The following RBFOX2 variants were observed in gnomAD, a reference collection of about 807,000 sequenced individuals.
RBFOX2 encodes the protein RNA binding protein fox-1 homolog 2.
In RBFOX2, 10 loss-of-function variants were observed where a neutral mutation model predicts 49.1. The ratio of observed to expected loss-of-function variants is 0.20; its 90% CI spans 0.13 to 0.35. RBFOX2 has a LOEUF of 0.35. Among genes scored for constraint, RBFOX2 ranks in the 10% least tolerant of loss-of-function variants. RBFOX2 has a pLI of 1.00. For missense variants in RBFOX2, 323 were observed against 486.9 expected (o/e 0.66, Z 3.17); for synonymous variants, 183 against 187.4 (o/e 0.98, Z 0.19).
chr22:36,021,302 G>A (rs896989064), intron 1 of RBFOX2, among the ~76,000 whole-genome samples: 2 of 151,400 alleles, frequency 1.3e-5, no homozygotes, highest in African/African-American at 4.9e-5. Flanking sequence ...TGTAAATGAC[G>A]AGTTAATGGG....
At chr22:35,864,467 T>C (rs116672809) in intron 1 of RBFOX2, among the ~76,000 whole-genome samples, 3,552 of 152,280 alleles carry the variant, frequency 0.023, 153 homozygotes, top group African/African-American at 0.08. Flanking sequence ...AACATAATCA[T>C]GTGAGGCCCC....
At chr22:35,973,712 G>A (rs921415501) in intron 1 of RBFOX2, among the ~76,000 whole-genome samples, 2 of 152,116 alleles carry the variant, frequency 1.3e-5, no homozygotes, top group Admixed American at 6.6e-5. Flanking sequence ...AACTAAAAAT[G>A]GTCTAGTTCT....
intron 1 of RBFOX2, among the ~76,000 whole-genome samples, chr22:36,016,905 C>G (rs886280513): frequency 1.3e-5 from 2 of 152,184 alleles, no homozygotes; most frequent in Admixed American, 6.5e-5. Flanking sequence ...CTCTCATTCC[C>G]TTCTCAGAAT....
At chr22:35,811,384 G>A (rs1951835491) in intron 1 of RBFOX2, among the ~76,000 whole-genome samples, 3 of 152,096 alleles carry the variant, frequency 2.0e-5, no homozygotes, top group African/African-American at 4.8e-5. Context: ...TTGGAGTGGT[G>A]TCCTTATAAG....
intron 9 of RBFOX2, 88 bp from the exon 12 acceptor site, chr22:35,746,649 C>T (rs559204745): frequency 7.1e-5 from 46 of 648,652 alleles, no homozygotes; most frequent in Admixed American, 6.1e-4. Flanking sequence ...CAGACGTACA[C>T]ACATGTAGAC....
intron 1 of RBFOX2, among the ~76,000 whole-genome samples, chr22:35,868,593 A>G (rs2033721011): frequency 6.6e-6 from 1 of 152,192 alleles, no homozygotes; most frequent in Non-Finnish European, 1.5e-5. Context: ...CTATTTTAAA[A>G]AAAAAAAAAT....
chr22:35,792,746 C>A (rs1043822402), intron 2 of RBFOX2, among the ~76,000 whole-genome samples: 1 of 152,182 alleles, frequency 6.6e-6, no homozygotes, highest in Admixed American at 6.5e-5. Flanking sequence ...CAGGCTCACA[C>A]TCCCTAAACA....
At chr22:35,903,357 A>AT (rs200828920) in intron 1 of RBFOX2, among the ~76,000 whole-genome samples, 90 of 151,924 alleles carry the variant, frequency 5.9e-4, no homozygotes, top group East Asian at 3.1e-3. Context: ...CTACAATGCC[A>AT]TTTTTTTTGT....
At chr22:35,878,040 ACAC>A (rs1315532850) in intron 1 of RBFOX2, among the ~76,000 whole-genome samples, 1 of 15,680 alleles carries the variant, frequency 6.4e-5, no homozygotes, top group African/African-American at 5.1e-4. Context: ...TACTACTACT[ACAC>A]ACACACACAC....
intron 1 of RBFOX2, among the ~76,000 whole-genome samples, chr22:35,970,379 T>G (rs573680589): frequency 6.6e-6 from 1 of 151,926 alleles, no homozygotes; most frequent in Non-Finnish European, 1.5e-5. Flanking sequence ...CTGGGCATAG[T>G]GACTTATGCC....
intron 1 of RBFOX2, among the ~76,000 whole-genome samples, chr22:36,010,449 A>G (rs2058773881): frequency 1.3e-5 from 2 of 152,028 alleles, no homozygotes; most frequent in South Asian, 4.2e-4. Context: ...TTGGGACCAC[A>G]AAGACTGCAC....
intron 1 of RBFOX2, among the ~76,000 whole-genome samples, chr22:35,829,052 A>AAAAACAAACAACAAAAC: frequency 6.6e-6 from 1 of 152,322 alleles, no homozygotes; most frequent in East Asian, 1.9e-4. Context: ...CTCCATCTCA[A>AAAAACAAACAACAAAAC]AAAACAAACA....
intron 1 of RBFOX2, among the ~76,000 whole-genome samples, chr22:36,020,062 GA>G (rs1393685448): frequency 6.6e-6 from 1 of 152,060 alleles, no homozygotes; most frequent in Non-Finnish European, 1.5e-5. Flanking sequence ...TAGACCAATG[GA>G]ACAGAACAGA....
At chr22:35,741,069 A>C (rs1376730141) in exon 12 of RBFOX2, 2 of 152,234 alleles carry the variant, frequency 1.3e-5, no homozygotes, top group African/African-American at 2.4e-5. Flanking sequence ...TGATGGTGAT[A>C]GTAGGTTTTG....
At chr22:35,846,528 C>G (rs1219775614) in intron 1 of RBFOX2, among the ~76,000 whole-genome samples, 1 of 151,782 alleles carries the variant, frequency 6.6e-6, no homozygotes, top group Non-Finnish European at 1.5e-5. Flanking sequence ...AGGTGGATCA[C>G]CCGAGGATGG....
chr22:35,801,382 T>C (rs1007933655), intron 2 of RBFOX2, among the ~76,000 whole-genome samples: 1 of 151,938 alleles, frequency 6.6e-6, no homozygotes, highest in Admixed American at 6.6e-5. Flanking sequence ...AAATCTAGGT[T>C]TTACAATGTA....
chr22:35,823,411 C>T (rs886576020), intron 1 of RBFOX2, among the ~76,000 whole-genome samples: 7 of 152,182 alleles, frequency 4.6e-5, no homozygotes, highest in Non-Finnish European at 8.8e-5. Context: ...TTTGTTTTAG[C>T]TTTTCCAGAA....
At chr22:35,757,521 C>CATCAA (rs1279113491) in intron 9 of RBFOX2, among the ~76,000 whole-genome samples, 1 of 152,134 alleles carries the variant, frequency 6.6e-6, no homozygotes, top group African/African-American at 2.4e-5. Context: ...CAAGTAAAGT[C>CATCAA]ATCAAATCAT....
At position 36,015,848 on chromosome 22, in the gene RBFOX2, TGAA is replaced by T. The variant is rs761959674; in HGVS notation, c.186+12389_186+12391del. On this transcript the variant is annotated intron_variant, in intron 1 of 13. Coordinates refer to the RBFOX2 transcript ENST00000438146. ...CAAGAATTTTTGTGGACCACTGAAC[TGAA>T]GAAGGAAAAGAAAGAAAAAGGGAGA... 2.8e-4 allele frequency among the ~76,000 whole-genome samples: 42 copies of T among 152,206 alleles called. No individual in the cohort carries two copies. In the East Asian group the frequency reaches 4.1e-3, roughly 15 times the overall value.
Sources: allele counts gnomAD v4.1 joint callset (sites outside exome capture counted in the v4.1 genomes callset), GRCh38; gene constraint gnomAD v4.1.1; transcripts MANE v1.5; gene names NCBI Gene and HGNC (gene_info 2026-07-23, HGNC 2026-07-21).